Variants in DYNC2H1 observed in about 807,000 individuals in gnomAD.
DYNC2H1 encodes the protein dynein cytoplasmic 2 heavy chain 1.
DYNC2H1 carries 410 observed loss-of-function variants against 570.0 expected under a neutral mutation model. That is an observed-to-expected ratio of 0.72 (90% confidence interval 0.66 to 0.78). The LOEUF is 0.78. DYNC2H1 is among the 30% of genes least tolerant of loss of function. The pLI, the probability that DYNC2H1 is intolerant of heterozygous loss-of-function variation, is 0.00. For missense variants in DYNC2H1, 4,865 were observed against 5,046.4 expected, an observed-to-expected ratio of 0.96 and a Z score of 1.09; for synonymous variants, 1,688 against 1,677.6, an observed-to-expected ratio of 1.01 and a Z score of -0.15.
chr11:103,231,220 TA>T, intron 59 of DYNC2H1, 39 bp from the exon 60 acceptor site: 1 of 1,316,974 alleles, frequency 7.6e-7, no homozygotes, highest in South Asian at 1.4e-5. Context: ...AGTTGATATC[TA>T]AAATAGAATG....
intron 88 of DYNC2H1, among the ~76,000 whole-genome samples, chr11:103,478,488 A>G (rs2135877684): frequency 6.6e-6 from 1 of 152,330 alleles, no homozygotes; most frequent in African/African-American, 2.4e-5. Flanking sequence ...TTTTCCAAAC[A>G]TTGAGTCTGA....
In DYNC2H1 at chr11:103,129,717, G is replaced by A. The variant is rs1859176434; in HGVS notation, c.1953+712G>A. Among the ~76,000 whole-genome samples the A allele has an allele frequency of 1.3e-5, 2 of 151,898 alleles. No individual in the cohort carries two copies. Among genetic ancestry groups the A allele is most frequent in the African/African-American group, 4.8e-5 (2 of 41,386 alleles). The stretch of plus-strand genomic sequence containing the variant: ...AAAAAAAAGAAAGAAAAAGAAATTA[G>A]GAAAACCCATAATAGCGTTTAAACT... On this transcript the variant is annotated intron_variant, in intron 13 of 88. Transcript: ENST00000375735. This position sits in a 1 kb window ranked among gnomAD's most constrained non-coding sequence, Gnocchi z 4.1.
In DYNC2H1 at chr11:103,435,841, T is replaced by A. The variant is rs1944040792; in HGVS notation, c.12367-102T>A. The A allele has an allele frequency of 3.1e-6, 3 of 973,824 alleles. 1 individual carries two copies. The highest frequency in any genetic ancestry group is 2.8e-5 in the South Asian group (2 of 70,442). The allele number at this position is 973,824 out of a possible 1,614,324, so 60.3% of individuals were successfully genotyped here. A position where few individuals can be genotyped will look rare whatever the true frequency, so the allele number is the denominator to read the frequency against. ...AAACTTAATGAATTTCATATGTATA[T>A]GTGAATTATGCCAAAATTTTTCTCC... is the stretch of plus-strand genomic sequence containing the variant. On this transcript the variant is annotated intron_variant, in intron 84 of 88. Coordinates refer to ENST00000375735, the MANE Select transcript of DYNC2H1 (RefSeq NM_001377.3).
At chr11:103,402,467 T>A (rs1337135621) in intron 84 of DYNC2H1, 2 of 151,856 alleles carry the variant, frequency 1.3e-5, no homozygotes, top group Non-Finnish European at 2.9e-5. Context: ...GTTAAAAGAG[T>A]CATAGAGTTG....
chr11:103,255,284 G>A, intron 66 of DYNC2H1, 131 bp from the exon 67 acceptor site: 2 of 1,037,422 alleles, frequency 1.9e-6, no homozygotes, highest in African/African-American at 3.4e-5. Context: ...TGTTTAATTA[G>A]AAAGAATGAA....
At chr11:103,381,602 C>A (rs1330794576) in intron 83 of DYNC2H1, among the ~76,000 whole-genome samples, 1 of 152,176 alleles carries the variant, frequency 6.6e-6, no homozygotes, top group Non-Finnish European at 1.5e-5. Context: ...GCACCTGCCA[C>A]CACGCCTGGC....
chr11:103,413,958 AT>A (rs1221071382), intron 84 of DYNC2H1, among the ~76,000 whole-genome samples: 1 of 152,118 alleles, frequency 6.6e-6, no homozygotes, highest in Non-Finnish European at 1.5e-5. Context: ...CATTTAGCAA[AT>A]AAAAACAGAA....
chr11:103,139,598 G>T (rs1859782074), intron 17 of DYNC2H1, among the ~76,000 whole-genome samples: 2 of 151,598 alleles, frequency 1.3e-5, no homozygotes, highest in East Asian at 1.9e-4. Flanking sequence ...TATAATTTCT[G>T]TTCTTTTACA....
chr11:103,120,767 A>G lies in DYNC2H1; in HGVS notation c.1213A>G (p.Asn405Asp), dbSNP rs772351140. ...AEQKIAGKLK[N>D]YISEIQDSPQ... ...ACAAAAAATAGCAGGAAAATTGAAA[A>G]ATTATATTTCAGAAATTCAAGACAG... is the stretch of plus-strand genomic sequence containing the variant. The change falls in exon 8 of 89, where the codon AAT becomes GAT. Residue 405 changes from asparagine (N) to aspartate (D), a missense_variant. Physicochemically the swap from Asn to Asp is conservative, Grantham distance 23. Transcript: ENST00000375735. 1.3e-6 allele frequency: 2 copies of G among 1,582,500 alleles called. No individual in the cohort carries two copies. Among genetic ancestry groups the G allele is most frequent in the South Asian group, 2.3e-5 (2 of 88,108 alleles).
At chr11:103,456,528 T>C (rs1454417332) in intron 87 of DYNC2H1, among the ~76,000 whole-genome samples, 172 bp downstream of exon 87, 1 of 152,176 alleles carries the variant, frequency 6.6e-6, no homozygotes, top group African/African-American at 2.4e-5. Context: ...CAACTTGTAA[T>C]AGAAAATACA....
chr11:103,209,204 G>A lies in DYNC2H1; in HGVS notation c.8455-672G>A, dbSNP rs1384077552. On this transcript the variant is annotated intron_variant, in intron 52 of 88. Coordinates refer to ENST00000375735, the MANE Select transcript of DYNC2H1 (RefSeq NM_001377.3). This position sits in a 1 kb window ranked among gnomAD's most constrained non-coding sequence, Gnocchi z 4.2. Reference sequence around the variant, plus strand: ...CTTGCTGGTAACTTCAGCTCTATCAGGTGAAAGAAATTGAAGCTATTTGGC... The same window carrying A: ...CTTGCTGGTAACTTCAGCTCTATCAAGTGAAAGAAATTGAAGCTATTTGGC... Among the ~76,000 whole-genome samples the A allele has an allele frequency of 6.6e-6, 1 of 151,776 alleles. No individual in the cohort carries two copies. The highest frequency in any genetic ancestry group is 2.4e-5 in the African/African-American group (1 of 41,318).
At chr11:103,284,565 C>T (rs1247554501) in intron 73 of DYNC2H1, among the ~76,000 whole-genome samples, 1 of 151,998 alleles carries the variant, frequency 6.6e-6, no homozygotes, top group Non-Finnish European at 1.5e-5. Flanking sequence ...AATGATGGGG[C>T]CTTGTATACT....
intron 87 of DYNC2H1, among the ~76,000 whole-genome samples, chr11:103,466,804 C>T (rs1025130295): frequency 6.6e-6 from 1 of 152,060 alleles, no homozygotes; most frequent in Non-Finnish European, 1.5e-5. Flanking sequence ...TTATATATGA[C>T]AAGTAAGAGT....
intron 31 of DYNC2H1, among the ~76,000 whole-genome samples, chr11:103,168,250 G>C (rs1316515781): frequency 1.3e-5 from 2 of 152,198 alleles, no homozygotes; most frequent in Non-Finnish European, 2.9e-5. Context: ...GCCTGAGCTA[G>C]AGGTGGTTTT....
At position 103,134,311 on chromosome 11, in the gene DYNC2H1, T is replaced by G. The variant is rs1299974007; in HGVS notation, c.2107-10T>G. On this transcript the variant is annotated splice_polypyrimidine_tract_variant and intron_variant, in intron 14 of 88. Coordinates refer to ENST00000375735, the MANE Select transcript of DYNC2H1 (RefSeq NM_001377.3). ...ATACTTTGAGACTAGCATGCTCTAA[T>G]TTTTCATAGGTGGTTGTTCTTATGA... 1 of 1,611,980 alleles carries G rather than the reference T, an allele frequency of 6.2e-7. No individual in the cohort carries two copies. The highest frequency in any genetic ancestry group is 8.5e-7 in the Non-Finnish European group (1 of 1,178,512).
intron 19 of DYNC2H1, 62 bp downstream of exon 19, chr11:103,147,949 T>C: frequency 1.7e-6 from 2 of 1,177,298 alleles, no homozygotes; most frequent in South Asian, 2.9e-5. Flanking sequence ...TGTACTTTGA[T>C]AGTTATAAAA....
intron 70 of DYNC2H1, among the ~76,000 whole-genome samples, chr11:103,260,827 C>T (rs1006207982): frequency 6.6e-6 from 1 of 151,886 alleles, no homozygotes; most frequent in African/African-American, 2.4e-5. Flanking sequence ...ACCATGTTGA[C>T]CAGGGTGTCT....
Position 103,171,059 on chromosome 11 carries a change from T to G in DYNC2H1, c.5325T>G (p.Leu1775=), listed in dbSNP as rs1424345785. Residue 1775 remains leucine (L), a synonymous_variant, in exon 34 of 89, where the codon CTT becomes CTG. Transcript: ENST00000375735. ...ATCATAGAACTGTATGTGAACTGCTTGGCAAGGAGGTATAGAATATGTTGG... is the reference window on the plus strand; with the variant it reads ...ATCATAGAACTGTATGTGAACTGCTGGGCAAGGAGGTATAGAATATGTTGG... ...LKNHRTVCEL[L]GKEVEVNSNS... is the part of the protein sequence containing the mutation. 1 of 1,593,546 alleles carries G rather than the reference T, an allele frequency of 6.3e-7. No individual in the cohort carries two copies. Among genetic ancestry groups the G allele is most frequent in the South Asian group, 1.1e-5 (1 of 87,390 alleles).
At chr11:103,379,380 T>C (rs922147175) in intron 83 of DYNC2H1, among the ~76,000 whole-genome samples, 1 of 152,216 alleles carries the variant, frequency 6.6e-6, no homozygotes, top group Non-Finnish European at 1.5e-5. Context: ...CTTTTAAAAC[T>C]CCATTTTAAT....
Sources: allele counts gnomAD v4.1 joint callset (sites outside exome capture counted in the v4.1 genomes callset), GRCh38; gene constraint gnomAD v4.1.1; non-coding constraint Gnocchi (gnomAD v3.1); transcripts MANE v1.5; gene names NCBI Gene and HGNC (gene_info 2026-07-23, HGNC 2026-07-21).